The following DNAI3 variants were observed in gnomAD, a reference collection of about 807,000 sequenced individuals.
DNAI3 encodes dynein axonemal intermediate chain 3.
DNAI3 carries 83 observed loss-of-function variants against 115.5 expected under a neutral mutation model. The observed-to-expected ratio is 0.72, with a 90% confidence interval of 0.60 to 0.86. The LOEUF (loss-of-function observed/expected upper bound fraction) is 0.86. DNAI3 is among the 40% of genes least tolerant of loss of function. The pLI is 0.00. For missense variants in DNAI3, 1,004 were observed against 1,075.8 expected (o/e 0.93, Z 0.93); for synonymous variants, 320 against 347.0 (o/e 0.92, Z 0.86).
intron 2 of DNAI3, among the ~76,000 whole-genome samples, chr1:85,072,613 G>C (rs2100556305): frequency 6.7e-6 from 1 of 148,324 alleles, no homozygotes; most frequent in Non-Finnish European, 1.5e-5. Context: ...CTGCACTCCA[G>C]CCTGGGCAAC....
intron 10 of DNAI3, among the ~76,000 whole-genome samples, chr1:85,095,662 A>G (rs887397490): frequency 5.9e-5 from 9 of 152,140 alleles, no homozygotes; most frequent in Non-Finnish European, 1.0e-4. Flanking sequence ...TCCCAAAATA[A>G]CTACAATTTG....
chr1:85,081,888 G>C (rs927956059), intron 4 of DNAI3, among the ~76,000 whole-genome samples: 1 of 152,108 alleles, frequency 6.6e-6, no homozygotes, highest in Admixed American at 6.5e-5. Context: ...TGATCTTCCC[G>C]CCTTGGCCTT....
chr1:85,091,285 A>C (rs1386998376), intron 8 of DNAI3, among the ~76,000 whole-genome samples: 1 of 152,240 alleles, frequency 6.6e-6, no homozygotes, highest in Non-Finnish European at 1.5e-5. Flanking sequence ...ATCTTGAGGG[A>C]ATAAAAAAAT....
chr1:85,088,415 G>T (rs1255849956), intron 7 of DNAI3, among the ~76,000 whole-genome samples: 1 of 152,240 alleles, frequency 6.6e-6, no homozygotes, highest in Admixed American at 6.5e-5. Context: ...GAGAATGCTG[G>T]TACCATGCAT....
intron 1 of DNAI3, among the ~76,000 whole-genome samples, chr1:85,069,814 A>T (rs898454100): frequency 2.0e-5 from 3 of 152,344 alleles, no homozygotes; most frequent in African/African-American, 7.2e-5. Context: ...ATCTTCTGAA[A>T]AAAAGGAATA....
At chr1:85,076,764 G>A (rs1379561313) in intron 3 of DNAI3, among the ~76,000 whole-genome samples, 1 of 152,106 alleles carries the variant, frequency 6.6e-6, no homozygotes, top group Non-Finnish European at 1.5e-5. Context: ...GATTTGGGTG[G>A]GGACACAGCA....
At chr1:85,087,125 C>G (rs112728984) in intron 7 of DNAI3, among the ~76,000 whole-genome samples, 1 of 152,034 alleles carries the variant, frequency 6.6e-6, no homozygotes, top group African/African-American at 2.4e-5. Context: ...ATGAGGTGTT[C>G]CCTGACACTC....
intron 16 of DNAI3, 129 bp from the exon 17 acceptor site, chr1:85,117,600 T>C: frequency 7.9e-7 from 1 of 1,272,142 alleles, no homozygotes; most frequent in Non-Finnish European, 1.1e-6. Flanking sequence ...TGCTTGGACT[T>C]ATGCTCACTA....
At chr1:85,117,595 G>A in intron 16 of DNAI3, 134 bp from the exon 17 acceptor site, 2 of 1,201,146 alleles carry the variant, frequency 1.7e-6, no homozygotes, top group Non-Finnish European at 2.3e-6. Context: ...AAAAATGCTT[G>A]GACTTATGCT....
chr1:85,109,570 T>C (rs1236403703), intron 15 of DNAI3, among the ~76,000 whole-genome samples: 3 of 152,150 alleles, frequency 2.0e-5, no homozygotes, highest in South Asian at 2.1e-4. Context: ...AGTTTCTCTT[T>C]CCAGCCACCA....
Position 85,108,099 on chromosome 1 carries a change from G to C in DNAI3, c.1620G>C (p.Lys540Asn). The C allele has an allele frequency of 6.2e-7, 1 of 1,610,092 alleles. No homozygotes were observed. The highest frequency in any genetic ancestry group is 1.7e-5 in the Admixed American group (1 of 59,454). ...PLTPQTTEKKKEESIEIPFDV... is the reference protein window; with the variant it reads ...PLTPQTTEKKNEESIEIPFDV... ...CCCCCCAAACAACAGAGAAAAAGAA[G>C]GAGGAAAGTATTGAAATTCCTTTTG... Residue 540 changes from lysine to asparagine, a missense_variant, in exon 15 of 23, where the codon AAG (lysine) becomes AAC (asparagine). Coordinates refer to ENST00000294664, the MANE Select transcript of DNAI3 (RefSeq NM_145172.5).
intron 19 of DNAI3, 147 bp from the exon 20 acceptor site, chr1:85,126,364 C>A: frequency 2.5e-6 from 2 of 801,882 alleles, no homozygotes; most frequent in Non-Finnish European, 1.9e-6. Flanking sequence ...AACCCTACAA[C>A]AAAGAGAAGT....
chr1:85,081,185 A>G, intron 3 of DNAI3, 49 bp from the exon 4 acceptor site: 1 of 1,453,016 alleles, frequency 6.9e-7, no homozygotes, highest in Non-Finnish European at 9.2e-7. Context: ...TAATGCTAAT[A>G]TTTTAAGTGG....
Position 85,068,687 on chromosome 1 carries a change from C to G in DNAI3, c.-14-3241C>G, listed in dbSNP as rs554913601. On this transcript the variant is annotated intron_variant, in intron 1 of 22. Coordinates refer to ENST00000294664, the MANE Select transcript of DNAI3 (RefSeq NM_145172.5). ...AAGGTCCTAATACACGACCTAGCCCCCCTTGTGGTATATTATATAGCTGTT... is the reference window on the plus strand; with the variant it reads ...AAGGTCCTAATACACGACCTAGCCCGCCTTGTGGTATATTATATAGCTGTT... Among the ~76,000 whole-genome samples, 9 of 152,274 alleles carry G rather than the reference C, an allele frequency of 5.9e-5. No individual in the cohort carries two copies. In the South Asian group the frequency reaches 1.5e-3, roughly 25 times the overall value.
At chr1:85,073,896 G>A (rs927646869) in intron 3 of DNAI3, among the ~76,000 whole-genome samples, 3 of 152,184 alleles carry the variant, frequency 2.0e-5, no homozygotes, top group Non-Finnish European at 4.4e-5. Flanking sequence ...GGCCAGGGCA[G>A]TAGAGGGGGC....
intron 11 of DNAI3, 75 bp from the exon 12 acceptor site, chr1:85,097,494 C>A (rs1157148948): frequency 1.4e-6 from 2 of 1,387,080 alleles, no homozygotes; most frequent in Non-Finnish European, 1.9e-6. Flanking sequence ...GGCTACAAAC[C>A]AATAGTTAAA....
At chr1:85,092,357 T>A (rs1035089491) in intron 8 of DNAI3, among the ~76,000 whole-genome samples, 1 of 152,202 alleles carries the variant, frequency 6.6e-6, no homozygotes, top group African/African-American at 2.4e-5. Context: ...GGAGTATCTG[T>A]TTTTACTGTT....
At chr1:85,080,046 C>CTTTTTTTTTTTTTTTTT (rs35938324) in intron 3 of DNAI3, among the ~76,000 whole-genome samples, 75 of 68,386 alleles carry the variant, frequency 1.1e-3, no homozygotes, top group African/African-American at 1.5e-3. Context: ...TTTTCTTTTT[C>CTTTTTTTTTTTTTTTTT]TTTTTTTTTT....
intron 13 of DNAI3, among the ~76,000 whole-genome samples, chr1:85,104,137 T>G (rs77060540): frequency 0.27 from 38,103 of 142,466 alleles, 4,328 homozygotes; most frequent in South Asian, 0.35. Context: ...TTTTTTTTTT[T>G]TGGGCTGGAG....
Sources: allele counts gnomAD v4.1 joint callset (sites outside exome capture counted in the v4.1 genomes callset), GRCh38; gene constraint gnomAD v4.1.1; transcripts MANE v1.5; gene names NCBI Gene and HGNC (gene_info 2026-07-23, HGNC 2026-07-21).